Variants in AKAP12 observed in about 807,000 individuals in gnomAD.
AKAP12 encodes A-kinase anchoring protein 12.
A neutral mutation model predicts 79.9 loss-of-function variants in AKAP12; 32 were observed. The observed-to-expected ratio is 0.40, with a 90% confidence interval of 0.30 to 0.54. The LOEUF (loss-of-function observed/expected upper bound fraction) is 0.54, where lower values mean the gene tolerates loss of function less well. AKAP12 is among the 20% of genes least tolerant of loss of function. The pLI is 0.48. For synonymous variants in AKAP12, 808 were observed against 857.0 expected, an observed-to-expected ratio of 0.94 and a Z score of 1.00; for missense variants, 2,074 against 2,177.0, an observed-to-expected ratio of 0.95 and a Z score of 0.94.
intron 2 of AKAP12, among the ~76,000 whole-genome samples, chr6:151,285,319 T>TGA (rs1178015690): frequency 2.0e-5 from 3 of 152,056 alleles, no homozygotes; most frequent in African/African-American, 7.2e-5. Flanking sequence ...TGATTCACAT[T>TGA]ACTGAGTTTG....
rs185842548 is a variant in AKAP12 at position 151,272,235 on chromosome 6, C to T, written c.162+31511C>T. Among the ~76,000 whole-genome samples the T allele has an allele frequency of 3.8e-4, 57 of 150,350 alleles. 1 individual carries two copies. In the East Asian group the frequency reaches 0.01, roughly 27 times the overall value. Reference sequence around the variant, plus strand: ...TGGTGCAGGCCTGTAGTCCTAGCTACTTAGGAGGACTAGGTGGAAGGATCC... The same window carrying T: ...TGGTGCAGGCCTGTAGTCCTAGCTATTTAGGAGGACTAGGTGGAAGGATCC... On this transcript the variant is annotated intron_variant, in intron 2 of 4. Transcript: ENST00000402676.
chr6:151,243,244 G>T (rs935149885), intron 2 of AKAP12, among the ~76,000 whole-genome samples: 1 of 152,234 alleles, frequency 6.6e-6, no homozygotes, highest in Non-Finnish European at 1.5e-5. Flanking sequence ...TGATGTGTCT[G>T]TGGACGGTTG....
At chr6:151,259,847 G>A (rs1338504991) in intron 2 of AKAP12, among the ~76,000 whole-genome samples, 1 of 151,438 alleles carries the variant, frequency 6.6e-6, no homozygotes, top group African/African-American at 2.4e-5. Flanking sequence ...AAAGCGCCGG[G>A]ATTACAGGCA....
At chr6:151,248,582 G>C (rs1797118509) in intron 2 of AKAP12, among the ~76,000 whole-genome samples, 1 of 152,192 alleles carries the variant, frequency 6.6e-6, no homozygotes, top group African/African-American at 2.4e-5. Context: ...GTGTGGGTGA[G>C]AGGGACGGTT....
In AKAP12 at chr6:151,351,358, A is replaced by G; in HGVS notation, c.2967A>G (p.Glu989=). The G allele has an allele frequency of 6.2e-7, 1 of 1,614,234 alleles. No homozygotes were observed. The highest frequency in any genetic ancestry group is 8.5e-7 in the Non-Finnish European group (1 of 1,180,044). The change falls in exon 4 of 5, where the codon GAA becomes GAG. Residue 989 remains glutamate (E), a synonymous_variant. Coordinates refer to ENST00000402676, the MANE Select transcript of AKAP12 (RefSeq NM_005100.4). The surrounding 1 kb of genome is among the most constrained non-coding windows in gnomAD (Gnocchi z 4.4). Reference sequence around the variant, plus strand: ...CTGCAGGGCCATTGGGTGCCGAAGAAGGAACCGAAGCATCTGCTGCTGAAG... The same window carrying G: ...CTGCAGGGCCATTGGGTGCCGAAGAGGGAACCGAAGCATCTGCTGCTGAAG... The part of the protein sequence containing the change: ...AETAGPLGAE[E]GTEASAAEET...
At chr6:151,288,337 A>T (rs1257750740) in intron 2 of AKAP12, among the ~76,000 whole-genome samples, 1 of 152,102 alleles carries the variant, frequency 6.6e-6, no homozygotes, top group African/African-American at 2.4e-5. Flanking sequence ...CAACATGGAG[A>T]AACCCTGACT....
intron 2 of AKAP12, among the ~76,000 whole-genome samples, chr6:151,289,263 T>A (rs1465738050): frequency 6.6e-6 from 1 of 152,100 alleles, no homozygotes; most frequent in African/African-American, 2.4e-5. Flanking sequence ...AAACTGATAC[T>A]CTCCACCCCT....
chr6:151,260,045 T>C (rs1797393331), intron 2 of AKAP12, among the ~76,000 whole-genome samples: 1 of 152,280 alleles, frequency 6.6e-6, no homozygotes, highest in African/African-American at 2.4e-5. Flanking sequence ...ATTACAAGGT[T>C]GAAACTTGTA....
chr6:151,301,338 A>G (rs531914226), intron 2 of AKAP12, among the ~76,000 whole-genome samples: 19 of 152,320 alleles, frequency 1.2e-4, no homozygotes, highest in African/African-American at 2.4e-4. Context: ...CAGGTCATAA[A>G]ATAACACGTG....
chr6:151,276,963 C>A (rs951054684), intron 2 of AKAP12, among the ~76,000 whole-genome samples: 1 of 152,148 alleles, frequency 6.6e-6, no homozygotes, highest in African/African-American at 2.4e-5. Flanking sequence ...TGCATCTCCA[C>A]GGGCACATAA....
chr6:151,350,245 G>A lies in AKAP12; in HGVS notation c.1854G>A (p.Thr618=), dbSNP rs745351640. The change falls in exon 4 of 5, where the codon ACG becomes ACA. Residue 618 remains threonine, a synonymous_variant. Transcript: ENST00000402676. This position sits in a 1 kb window ranked among gnomAD's most constrained non-coding sequence, Gnocchi z 4.8. ...TPWASFKKMV[T]PKKRVRRPSE... ...GGGCATCATTCAAAAAGATGGTGAC[G>A]CCCAAGAAGCGTGTTAGACGGCCTT... is the stretch of plus-strand genomic sequence containing the variant. The A allele has an allele frequency of 8.1e-6, 13 of 1,613,858 alleles. No homozygotes were observed. The highest frequency in any genetic ancestry group is 6.7e-5 in the East Asian group (3 of 44,868).
Position 151,240,437 on chromosome 6 carries a change from G to A in AKAP12, c.-126G>A, listed in dbSNP as rs1796948046. On this transcript the variant is annotated 5_prime_UTR_variant, in exon 2 of 5. Coordinates refer to ENST00000402676, the MANE Select transcript of AKAP12 (RefSeq NM_005100.4). ...TCGCAGGCTGGGCGCGTTCGCAGTC[G>A]GCTGGCGGCGAAGGAAGGCGCTCTC... is the stretch of plus-strand genomic sequence containing the variant. The A allele has an allele frequency of 1.9e-6, 2 of 1,075,208 alleles. No individual in the cohort carries two copies. The highest frequency in any genetic ancestry group is 2.4e-6 in the Non-Finnish European group (2 of 833,984). 66.6% of individuals were successfully genotyped at this position (1,075,208 alleles called of 1,614,324 possible).
chr6:151,351,958 C>T lies in AKAP12; in HGVS notation c.3567C>T (p.Asp1189=), dbSNP rs111584946. The change falls in exon 4 of 5, where the codon GAC becomes GAT. Residue 1189 remains aspartate, a synonymous_variant. Transcript: ENST00000402676. The surrounding 1 kb of genome is among the most constrained non-coding windows in gnomAD (Gnocchi z 4.4). ...ACGCACCAGGCACAACCCAGAAAGA[C>T]GAGATTGTGGAAATCCATGAGGAGA... ...DFDAPGTTQK[D]EIVEIHEENE... The T allele has an allele frequency of 4.7e-5, 76 of 1,614,108 alleles. 1 individual carries two copies. The highest frequency in any genetic ancestry group is 3.5e-4 in the African/African-American group (26 of 75,018).
At position 151,356,308 on chromosome 6, in the gene AKAP12, G is replaced by A. The variant is rs753386129; in HGVS notation, c.*594G>A. On this transcript the variant is annotated 3_prime_UTR_variant, in exon 5 of 5. Coordinates refer to ENST00000402676, the MANE Select transcript of AKAP12 (RefSeq NM_005100.4). ...CTAATGATTGAGGTCCATATTTAGT[G>A]GTACTCTGAAATTGGTCACTTTCCT... 1.3e-5 allele frequency: 2 copies of A among 152,534 alleles called. No homozygotes were observed. The highest frequency in any genetic ancestry group is 6.5e-5 in the Admixed American group (1 of 15,272). 9.4% of individuals were successfully genotyped at this position (152,534 alleles called of 1,614,324 possible).
At chr6:151,269,934 T>G (rs1023192620) in intron 2 of AKAP12, among the ~76,000 whole-genome samples, 4 of 152,232 alleles carry the variant, frequency 2.6e-5, no homozygotes, top group Admixed American at 6.5e-5. Context: ...TCTATGGATT[T>G]GCCTATTTTG....
rs527855779 is a variant in AKAP12 at position 151,322,731 on chromosome 6, C to T, written c.319+16828C>T. Among the ~76,000 whole-genome samples the T allele has an allele frequency of 1.3e-3, 183 of 140,478 alleles. 1 individual carries two copies. The highest frequency in any genetic ancestry group is 5.2e-3 in the African/African-American group (164 of 31,494). 92.2% of individuals were successfully genotyped at this position (140,478 alleles called of 152,430 possible). ...TCCACCACCCACTCCCGCCACTGGG[C>T]GTGTCCACCACCCACTCCTGCCACT... On this transcript the variant is annotated intron_variant, in intron 3 of 4. Coordinates refer to ENST00000402676, the MANE Select transcript of AKAP12 (RefSeq NM_005100.4).
At chr6:151,313,213 T>C (rs1174174384) in intron 3 of AKAP12, among the ~76,000 whole-genome samples, 1 of 152,304 alleles carries the variant, frequency 6.6e-6, no homozygotes, top group East Asian at 1.9e-4. Flanking sequence ...CCTGGAAACA[T>C]GAAATAGGAC....
intron 2 of AKAP12, among the ~76,000 whole-genome samples, chr6:151,269,160 A>G (rs968940328): frequency 1.3e-5 from 2 of 151,812 alleles, no homozygotes; most frequent in African/African-American, 4.8e-5. Context: ...TGTAGACAGT[A>G]CAAGTGGCTT....
At position 151,357,084 on chromosome 6, in the gene AKAP12, CTTAA is replaced by C. The variant is rs1355395965; in HGVS notation, c.*1376_*1379del. ...TCTCTAGAAAGAAATTTTAAGAAAG[CTTAA>C]TTAATAGTAAAAATGCCTTTCCTGA... is the stretch of plus-strand genomic sequence containing the variant. On this transcript the variant is annotated 3_prime_UTR_variant, in exon 5 of 5. Coordinates refer to ENST00000402676, the MANE Select transcript of AKAP12 (RefSeq NM_005100.4). The C allele has an allele frequency of 1.3e-5, 2 of 152,144 alleles. No individual in the cohort carries two copies. The highest frequency in any genetic ancestry group is 1.9e-4 in the East Asian group (1 of 5,200). The allele number at this position is 152,144 out of a possible 1,614,324, so 9.4% of individuals were successfully genotyped here. A position where few individuals can be genotyped will look rare whatever the true frequency, so the allele number is the denominator to read the frequency against.
Sources: gnomAD v4.1 joint callset for allele counts (sites outside exome capture counted in the v4.1 genomes callset) on GRCh38, gnomAD v4.1.1 for gene constraint, Gnocchi (gnomAD v3.1) non-coding constraint, MANE v1.5 for transcripts, NCBI Gene and HGNC (gene_info 2026-07-23, HGNC 2026-07-21) for gene names.